The following LDLRAD3 variants were observed in gnomAD, a reference collection of about 807,000 sequenced individuals.
LDLRAD3 encodes the protein low-density lipoprotein receptor class A domain-containing protein 3.
Under a neutral mutation model 29.4 loss-of-function variants are expected in LDLRAD3, and 20 were observed. The observed-to-expected ratio is 0.68, with a 90% confidence interval of 0.48 to 0.99. LDLRAD3 has a LOEUF of 0.99. Among genes scored for constraint, LDLRAD3 ranks in the 50% least tolerant of loss-of-function variants. The pLI, the probability that LDLRAD3 is intolerant of heterozygous loss-of-function variation, is 0.00. For missense variants in LDLRAD3, 420 were observed against 454.3 expected (o/e 0.92, Z 0.69); for synonymous variants, 157 against 192.7 (o/e 0.81, Z 1.53).
chr11:35,991,150 T>A (rs1056925558), intron 1 of LDLRAD3, among the ~76,000 whole-genome samples: 1 of 152,262 alleles, frequency 6.6e-6, no homozygotes, highest in Non-Finnish European at 1.5e-5. Flanking sequence ...TGCAGCATGA[T>A]GCTCTTCTAG....
At chr11:36,100,372 T>C (rs555206964) in intron 4 of LDLRAD3, among the ~76,000 whole-genome samples, 1 of 152,164 alleles carries the variant, frequency 6.6e-6, no homozygotes, top group Non-Finnish European at 1.5e-5. Context: ...GGAACAAGAA[T>C]GCAAAATCAA....
intron 2 of LDLRAD3, among the ~76,000 whole-genome samples, chr11:36,054,469 G>T (rs1011419587): frequency 1.3e-5 from 2 of 152,198 alleles, no homozygotes; most frequent in African/African-American, 4.8e-5. Flanking sequence ...TCTTGACCCT[G>T]CATGGAACCT....
At chr11:36,125,048 C>A (rs932064092) in intron 4 of LDLRAD3, among the ~76,000 whole-genome samples, 1 of 152,068 alleles carries the variant, frequency 6.6e-6, no homozygotes, top group African/African-American at 2.4e-5. Flanking sequence ...CAAGGTCACC[C>A]GTTCTACCTT....
chr11:36,144,185 C>T (rs1302623602), intron 4 of LDLRAD3, among the ~76,000 whole-genome samples: 1 of 152,000 alleles, frequency 6.6e-6, no homozygotes, highest in African/African-American at 2.4e-5. Flanking sequence ...CCAGCCTCGG[C>T]CTCCCGAGGT....
chr11:36,043,958 C>T (rs1428571790), intron 2 of LDLRAD3, among the ~76,000 whole-genome samples: 6 of 152,190 alleles, frequency 3.9e-5, no homozygotes, highest in South Asian at 2.1e-4. Flanking sequence ...TGTATATTAG[C>T]GTTGCTTCTT....
chr11:36,036,193 C>T lies in LDLRAD3; in HGVS notation c.137C>T (p.Ala46Val). The change falls in exon 2 of 6, where the codon GCC (alanine) becomes GTC (valine). Residue 46 changes from alanine (A) to valine (V), a missense_variant. Physicochemically the swap from Ala to Val is moderately conservative, Grantham distance 64. This residue lies in a region of LDLRAD3 where 224 missense variants were observed against 222.2 expected (regional missense o/e 1.01). Transcript: ENST00000315571. ...AGCAATGGACGGTGCATCCCGGGCG[C>T]CTGGCAGTGTGACGGGCTGCCTGAC... is the stretch of plus-strand genomic sequence containing the variant. ...MCSNGRCIPG[A>V]WQCDGLPDCF... 6.2e-7 allele frequency: 1 copy of T among 1,614,190 alleles called. No homozygotes were observed. The highest frequency in any genetic ancestry group is 8.5e-7 in the Non-Finnish European group (1 of 1,180,036).
chr11:35,993,505 C>T lies in LDLRAD3; in HGVS notation c.47-42598C>T, dbSNP rs140409870. The stretch of plus-strand genomic sequence containing the variant: ...CACTTAGGGCTTGCTGGCTTCTAGC[C>T]CTTCTGCTGAAAGTCAAATTTAAGA... On this transcript the variant is annotated intron_variant, in intron 1 of 5. Coordinates refer to ENST00000315571, the MANE Select transcript of LDLRAD3 (RefSeq NM_174902.4). Among the ~76,000 whole-genome samples the T allele has an allele frequency of 1.3e-4, 20 of 152,098 alleles. No homozygotes were observed. In the East Asian group the frequency reaches 3.9e-3, roughly 29 times the overall value.
chr11:36,163,906 A>G (rs940452630), intron 4 of LDLRAD3, among the ~76,000 whole-genome samples: 1 of 152,166 alleles, frequency 6.6e-6, no homozygotes, highest in Non-Finnish European at 1.5e-5. Context: ...AGCCACCTCA[A>G]TTTTGCTCCC....
intron 4 of LDLRAD3, among the ~76,000 whole-genome samples, chr11:36,136,545 G>A (rs1010560686): frequency 6.6e-6 from 1 of 152,066 alleles, no homozygotes; most frequent in African/African-American, 2.4e-5. Flanking sequence ...GCCAGACTCT[G>A]TCTTACTTGC....
chr11:36,209,569 A>G (rs905345419), intron 4 of LDLRAD3, among the ~76,000 whole-genome samples: 1 of 152,012 alleles, frequency 6.6e-6, no homozygotes, highest in Non-Finnish European at 1.5e-5. Flanking sequence ...CATGTTGGTC[A>G]GGCTGGTCTC....
chr11:36,161,236 A>G (rs1197157289), intron 4 of LDLRAD3, among the ~76,000 whole-genome samples: 2 of 152,130 alleles, frequency 1.3e-5, no homozygotes, highest in Admixed American at 1.3e-4. Flanking sequence ...GGTACCAGGC[A>G]CTGTGTGTAA....
intron 4 of LDLRAD3, among the ~76,000 whole-genome samples, chr11:36,225,868 C>T (rs938660518): frequency 6.6e-6 from 1 of 152,000 alleles, no homozygotes; most frequent in South Asian, 2.1e-4. Flanking sequence ...GTCAAGAGTT[C>T]GAGACCAGCC....
intron 4 of LDLRAD3, among the ~76,000 whole-genome samples, chr11:36,154,272 CATG>C (rs1277524933): frequency 2.0e-5 from 3 of 152,218 alleles, no homozygotes; most frequent in Admixed American, 1.3e-4. Flanking sequence ...AGAATGTGCC[CATG>C]ATACTACCAC....
intron 1 of LDLRAD3, among the ~76,000 whole-genome samples, chr11:35,969,911 T>C (rs1005061257): frequency 6.6e-6 from 1 of 152,166 alleles, no homozygotes; most frequent in Non-Finnish European, 1.5e-5. Flanking sequence ...ATTTTAAAAG[T>C]CTTAATACAG....
At chr11:36,215,104 T>A (rs1855334097) in intron 4 of LDLRAD3, among the ~76,000 whole-genome samples, 1 of 152,166 alleles carries the variant, frequency 6.6e-6, no homozygotes, top group African/African-American at 2.4e-5. Context: ...TTGTGAGTGA[T>A]GCGGATGCCC....
intron 3 of LDLRAD3, among the ~76,000 whole-genome samples, chr11:36,091,795 T>C (rs1304148781): frequency 6.6e-6 from 1 of 152,222 alleles, no homozygotes; most frequent in Non-Finnish European, 1.5e-5. Flanking sequence ...GGCTAAAAGA[T>C]AGTGAAACAT....
chr11:36,024,305 A>G (rs922547761), intron 1 of LDLRAD3, among the ~76,000 whole-genome samples: 1 of 150,800 alleles, frequency 6.6e-6, no homozygotes, highest in Non-Finnish European at 1.5e-5. Context: ...CATTTTACCT[A>G]TATATATGTT....
In LDLRAD3 at chr11:36,043,336, A is replaced by C. The variant is rs565237227; in HGVS notation, c.193+7087A>C. Among the ~76,000 whole-genome samples, 3 of 152,296 alleles carry C rather than the reference A, an allele frequency of 2.0e-5. No individual in the cohort carries two copies. In the East Asian group the frequency reaches 5.8e-4, roughly 29 times the overall value. Reference sequence around the variant, plus strand: ...CAAAACAAACCCCAAAAATTATTATATAGTGAATGATAGCTTCCTGCAGCT... The same window carrying C: ...CAAAACAAACCCCAAAAATTATTATCTAGTGAATGATAGCTTCCTGCAGCT... On this transcript the variant is annotated intron_variant, in intron 2 of 5. Transcript: ENST00000315571.
At position 36,083,182 on chromosome 11, in the gene LDLRAD3, A is replaced by G. The variant is rs75876224; in HGVS notation, c.319+1404A>G. On this transcript the variant is annotated intron_variant, in intron 3 of 5. Transcript: ENST00000315571. ...AAACCTGTGTTAACACATCAAGTCC[A>G]TAATTTACATTAGGGTTCACTCTGG... is the stretch of plus-strand genomic sequence containing the variant. Among the ~76,000 whole-genome samples the G allele has an allele frequency of 4.4e-3, 671 of 152,334 alleles. 4 individuals carry two copies. Among genetic ancestry groups the G allele is most frequent in the African/African-American group, 0.015 (641 of 41,578 alleles).
Sources: gnomAD v4.1 joint callset for allele counts (sites outside exome capture counted in the v4.1 genomes callset) on GRCh38, gnomAD v4.1.1 for gene constraint, gnomAD v4.1.1 regional missense constraint, MANE v1.5 for transcripts, NCBI Gene and HGNC (gene_info 2026-07-23, HGNC 2026-07-21) for gene names.